LUZP2: variants seen among roughly 807,000 people sequenced by gnomAD.
LUZP2 encodes the protein leucine zipper protein 2.
In LUZP2, 52 loss-of-function variants were observed where a neutral mutation model predicts 51.6. The ratio of observed to expected loss-of-function variants is 1.01; its 90% CI spans 0.81 to 1.27. The LOEUF (loss-of-function observed/expected upper bound fraction) is 1.27, where lower values mean the gene tolerates loss of function less well. Among genes scored for constraint, LUZP2 ranks in the 50% most tolerant of loss-of-function variants. The pLI is 0.00. For synonymous variants in LUZP2, 154 were observed against 137.3 expected (o/e 1.12, Z -0.85); for missense variants, 436 against 395.4 (o/e 1.10, Z -0.87).
At chr11:24,979,996 CACATACATGGG>C (rs1855981298) in intron 8 of LUZP2, among the ~76,000 whole-genome samples, 1 of 151,688 alleles carries the variant, frequency 6.6e-6, no homozygotes. Context: ...CTAGTCATCC[CACATACATGGG>C]ACCTGAATAT....
At chr11:24,694,955 T>C (rs1406470076) in intron 1 of LUZP2, among the ~76,000 whole-genome samples, 1 of 151,638 alleles carries the variant, frequency 6.6e-6, no homozygotes, top group Non-Finnish European at 1.5e-5. Flanking sequence ...AGGGAGAGCA[T>C]TAGGACAAAT....
intron 5 of LUZP2, among the ~76,000 whole-genome samples, chr11:24,871,564 T>C (rs936548979): frequency 2.0e-5 from 3 of 152,078 alleles, no homozygotes; most frequent in Admixed American, 1.3e-4. Context: ...GTATAAGTTA[T>C]GCAACTTCTG....
intron 1 of LUZP2, among the ~76,000 whole-genome samples, chr11:24,591,293 C>T (rs746047220): frequency 6.6e-5 from 10 of 151,976 alleles, no homozygotes; most frequent in Non-Finnish European, 1.5e-4. Flanking sequence ...GCACTTGAGC[C>T]CAGGAGGTTG....
chr11:24,936,998 T>C (rs9299986), intron 7 of LUZP2, among the ~76,000 whole-genome samples: 74,543 of 151,738 alleles, frequency 0.49, 18,549 homozygotes, highest in East Asian at 0.77. Flanking sequence ...AAACTGCTTT[T>C]GTATTTTTGG....
At chr11:24,879,659 C>G (rs1035758851) in intron 5 of LUZP2, among the ~76,000 whole-genome samples, 1 of 152,150 alleles carries the variant, frequency 6.6e-6, no homozygotes, top group African/African-American at 2.4e-5. Flanking sequence ...TCGCATTTCT[C>G]TAATGATAAG....
chr11:24,691,431 AT>A (rs1266799357), intron 1 of LUZP2, among the ~76,000 whole-genome samples: 1 of 148,036 alleles, frequency 6.8e-6, no homozygotes, highest in African/African-American at 2.5e-5. Flanking sequence ...CTTGTGAATC[AT>A]TTTTTTCTCT....
chr11:24,591,394 G>A (rs1273021247), intron 1 of LUZP2, among the ~76,000 whole-genome samples: 2 of 152,154 alleles, frequency 1.3e-5, no homozygotes, highest in African/African-American at 2.4e-5. Flanking sequence ...CAAGGATTAT[G>A]TATTCATAGT....
At chr11:24,499,621 T>G (rs930080779) in intron 1 of LUZP2, among the ~76,000 whole-genome samples, 1 of 152,198 alleles carries the variant, frequency 6.6e-6, no homozygotes, top group African/African-American at 2.4e-5. Flanking sequence ...AAGCAAATGG[T>G]ATTTCACATG....
chr11:25,037,340 T>A (rs1857897752), intron 9 of LUZP2, among the ~76,000 whole-genome samples: 1 of 152,190 alleles, frequency 6.6e-6, no homozygotes, highest in Non-Finnish European at 1.5e-5. Flanking sequence ...TTTGAGCTTG[T>A]GAGTGTTGTT....
At chr11:24,951,650 A>G (rs1264774855) in intron 7 of LUZP2, among the ~76,000 whole-genome samples, 1 of 151,514 alleles carries the variant, frequency 6.6e-6, no homozygotes, top group East Asian at 1.9e-4. Flanking sequence ...TTAAACATAT[A>G]TATATAAAGA....
intron 5 of LUZP2, among the ~76,000 whole-genome samples, chr11:24,823,528 A>T (rs545456428): frequency 6.6e-6 from 1 of 152,158 alleles, no homozygotes; most frequent in Non-Finnish European, 1.5e-5. Flanking sequence ...TTACATTAAC[A>T]AAATGATTCT....
In LUZP2 at chr11:24,923,580, C is replaced by T. The variant is rs573271842; in HGVS notation, c.522+9042C>T. On this transcript the variant is annotated intron_variant, in intron 7 of 11. Transcript: ENST00000336930. ...GGCTTGGTGGCGCATGCCTGTAGTCCCAACTACTTGGGAGGCTGAGGCAGG... is the reference window on the plus strand; with the variant it reads ...GGCTTGGTGGCGCATGCCTGTAGTCTCAACTACTTGGGAGGCTGAGGCAGG... Among the ~76,000 whole-genome samples the T allele has an allele frequency of 2.0e-5, 3 of 152,068 alleles. No individual in the cohort carries two copies. The East Asian group carries it at 5.9e-4, about 30-fold the overall frequency.
intron 5 of LUZP2, among the ~76,000 whole-genome samples, chr11:24,853,119 T>C (rs533876218): frequency 6.6e-6 from 1 of 152,334 alleles, no homozygotes; most frequent in African/African-American, 2.4e-5. Context: ...GTCATTATGA[T>C]GCTAGCTGAT....
At chr11:24,962,956 CTGTT>C (rs1019434831) in intron 7 of LUZP2, among the ~76,000 whole-genome samples, 18 of 152,154 alleles carry the variant, frequency 1.2e-4, no homozygotes, top group African/African-American at 4.3e-4. Flanking sequence ...GATGTCCTTT[CTGTT>C]TGTTAGTTTT....
At chr11:24,514,667 A>C (rs1850409761) in intron 1 of LUZP2, among the ~76,000 whole-genome samples, 1 of 141,226 alleles carries the variant, frequency 7.1e-6, no homozygotes, top group Middle Eastern at 3.7e-3. Flanking sequence ...TTAATTTATT[A>C]GTTTTTTTTC....
intron 5 of LUZP2, among the ~76,000 whole-genome samples, chr11:24,820,923 G>A (rs533073438): frequency 6.6e-6 from 1 of 152,268 alleles, no homozygotes; most frequent in South Asian, 2.1e-4. Context: ...GGTGACATCA[G>A]TGGATGATCT....
At chr11:24,665,611 C>T (rs1856187399) in intron 1 of LUZP2, among the ~76,000 whole-genome samples, 1 of 152,090 alleles carries the variant, frequency 6.6e-6, no homozygotes, top group Non-Finnish European at 1.5e-5. Flanking sequence ...GGGCATTTCC[C>T]CCCATGCTAT....
At chr11:24,516,042 C>A (rs1338285841) in intron 1 of LUZP2, among the ~76,000 whole-genome samples, 1 of 152,120 alleles carries the variant, frequency 6.6e-6, no homozygotes, top group Non-Finnish European at 1.5e-5. Context: ...GGATTTGAAT[C>A]CCCGTCTTCC....
At chr11:24,793,695 A>G (rs1245472806) in intron 5 of LUZP2, among the ~76,000 whole-genome samples, 1 of 152,156 alleles carries the variant, frequency 6.6e-6, no homozygotes, top group Admixed American at 6.6e-5. Flanking sequence ...TTATAAGACA[A>G]GAAATATAAG....
Sources: allele counts gnomAD v4.1 joint callset (sites outside exome capture counted in the v4.1 genomes callset), GRCh38; gene constraint gnomAD v4.1.1; transcripts MANE v1.5; gene names NCBI Gene and HGNC (gene_info 2026-07-23, HGNC 2026-07-21).